PKHD1L1: variants seen among roughly 807,000 people sequenced by gnomAD.
PKHD1L1 encodes the protein PKHD1 like 1, also known as fibrocystin-L.
PKHD1L1 carries 434 observed loss-of-function variants against 462.9 expected under a neutral mutation model. The observed-to-expected ratio is 0.94, with a 90% CI of 0.87 to 1.02. PKHD1L1 has a LOEUF of 1.02. PKHD1L1 is among the 50% of genes least tolerant of loss of function. PKHD1L1 has a pLI of 0.00. For missense variants in PKHD1L1, 5,202 were observed against 5,096.1 expected, an observed-to-expected ratio of 1.02 and a Z score of -0.63; for synonymous variants, 1,781 against 1,750.0, an observed-to-expected ratio of 1.02 and a Z score of -0.44.
chr8:109,464,146 T>TC, intron 48 of PKHD1L1, 70 bp from the exon 49 acceptor site: 1 of 1,083,778 alleles, frequency 9.2e-7, no homozygotes, highest in Non-Finnish European at 1.2e-6. Flanking sequence ...TTAGATATTT[T>TC]TTGAAACAAG....
At chr8:109,475,846 T>C in intron 51 of PKHD1L1, among the ~76,000 whole-genome samples, 2 of 53,710 alleles carry the variant, frequency 3.7e-5, no homozygotes, top group African/African-American at 7.7e-5. Flanking sequence ...AGACTCCATC[T>C]CAAAAAAAAA....
intron 46 of PKHD1L1, among the ~76,000 whole-genome samples, chr8:109,457,376 G>A (rs529082236): frequency 6.6e-6 from 1 of 152,104 alleles, no homozygotes; most frequent in Admixed American, 6.6e-5. Flanking sequence ...AATGATAGGG[G>A]TTACTAACAG....
In PKHD1L1 at chr8:109,464,698, TG is replaced by T. The variant is rs1245415090; in HGVS notation, c.7868del (p.Gly2623GlufsTer52). 1 of 1,613,780 alleles carries T rather than the reference TG, an allele frequency of 6.2e-7. No individual in the cohort carries two copies. The highest frequency in any genetic ancestry group is 2.2e-5 in the East Asian group (1 of 44,878). On this transcript the variant is annotated frameshift_variant, in exon 49 of 78. Coordinates refer to ENST00000378402, the MANE Select transcript of PKHD1L1 (RefSeq NM_177531.6). LOFTEE classifies it high-confidence loss of function. Reference sequence around the variant, plus strand: ...ATACTGTCCATTCTCAAGGTTGGTTTGGAATGTGGATCTTTGAGGAATATTT... The same window carrying T: ...ATACTGTCCATTCTCAAGGTTGGTTTGAATGTGGATCTTTGAGGAATATTT... The part of the protein sequence containing the change: ...NNTVHSQGWF[G>X]MWIFEEYFPM...
chr8:109,435,459 T>C (rs1763101102), intron 29 of PKHD1L1, 105 bp downstream of exon 29: 3 of 1,238,492 alleles, frequency 2.4e-6, no homozygotes, highest in Non-Finnish European at 3.3e-6. Context: ...AAGCTTCCTC[T>C]TATAGAACAA....
chr8:109,520,387 C>G (rs929953474), intron 73 of PKHD1L1, among the ~76,000 whole-genome samples: 9 of 152,100 alleles, frequency 5.9e-5, no homozygotes, highest in Non-Finnish European at 1.2e-4. Context: ...ACACTAGCCA[C>G]TAGATATCCA....
chr8:109,364,100 C>G (rs1240839221), intron 1 of PKHD1L1, among the ~76,000 whole-genome samples: 2 of 152,194 alleles, frequency 1.3e-5, no homozygotes, highest in African/African-American at 4.8e-5. Flanking sequence ...ACCAACATTT[C>G]TCTTTGTACC....
chr8:109,370,079 C>T (rs1055375617), intron 2 of PKHD1L1, among the ~76,000 whole-genome samples: 4 of 152,052 alleles, frequency 2.6e-5, no homozygotes, highest in African/African-American at 2.4e-5. Context: ...AGCCTGGGTT[C>T]GAATCCCGGC....
At chr8:109,385,672 T>C (rs1230568186) in intron 6 of PKHD1L1, 42 bp downstream of exon 6, 1 of 1,263,936 alleles carries the variant, frequency 7.9e-7, no homozygotes, top group East Asian at 2.4e-5. Context: ...AACTCATAAA[T>C]GAGAAGTAAT....
At position 109,390,440 on chromosome 8, in the gene PKHD1L1, A is replaced by G; in HGVS notation, c.698-12A>G. The stretch of plus-strand genomic sequence containing the variant: ...GGAATTTAATTGATTGTGTATTTTC[A>G]TTAAATTCCAGGTCATCACAATGTC... On this transcript the variant is annotated splice_polypyrimidine_tract_variant and intron_variant, in intron 8 of 77. Coordinates refer to ENST00000378402, the MANE Select transcript of PKHD1L1 (RefSeq NM_177531.6). 7.1e-7 allele frequency: 1 copy of G among 1,404,390 alleles called. No homozygotes were observed. 87.0% of individuals were successfully genotyped at this position (1,404,390 alleles called of 1,614,324 possible).
rs373416865 is a variant in PKHD1L1 at position 109,419,204 on chromosome 8, C to A, written c.2468C>A (p.Ser823Tyr). The A allele has an allele frequency of 1.9e-6, 3 of 1,612,804 alleles. No individual in the cohort carries two copies. The African/African-American group carries it at 4.0e-5, about 22-fold the overall frequency. Residue 823 changes from serine (S) to tyrosine (Y), a missense_variant, in exon 22 of 78, where the codon TCC becomes TAC. This residue lies in a region of PKHD1L1 where 4,497 missense variants were observed against 4,336.8 expected (regional missense o/e 1.04). Transcript: ENST00000378402. ...TTACATAAAGCATCAGAATCACAGT[C>A]CTTCTATGTGGATGTAGTGTACATT... ...ISLHKASESQ[S>Y]FYVDVVYIGH...
chr8:109,444,463 G>A (rs1304868024), intron 37 of PKHD1L1, among the ~76,000 whole-genome samples, 198 bp from the exon 38 acceptor site: 2 of 152,134 alleles, frequency 1.3e-5, no homozygotes, highest in Non-Finnish European at 2.9e-5. Context: ...GAATAATGTA[G>A]CAATGCACAT....
At chr8:109,449,303 T>A in intron 39 of PKHD1L1, 35 bp from the exon 40 acceptor site, 1 of 1,530,246 alleles carries the variant, frequency 6.5e-7, no homozygotes, top group Non-Finnish European at 8.8e-7. Context: ...TTATTTTAAT[T>A]AGCTTTGTTT....
chr8:109,404,246 G>C (rs931453713), intron 14 of PKHD1L1, among the ~76,000 whole-genome samples: 1 of 151,944 alleles, frequency 6.6e-6, no homozygotes, highest in Non-Finnish European at 1.5e-5. Context: ...CCAGGGACAG[G>C]GTTATTTTTC....
At chr8:109,399,519 T>C (rs186833523) in intron 12 of PKHD1L1, among the ~76,000 whole-genome samples, 4 of 152,292 alleles carry the variant, frequency 2.6e-5, no homozygotes, top group Admixed American at 2.6e-4. Flanking sequence ...TATCCTGTTT[T>C]TGATTCTGTC....
At chr8:109,443,213 T>G (rs1815915261) in intron 36 of PKHD1L1, 97 bp downstream of exon 36, 6 of 1,189,340 alleles carry the variant, frequency 5.0e-6, no homozygotes, top group South Asian at 2.8e-5. Flanking sequence ...CTAACTGTGC[T>G]TCTATCTTAC....
At chr8:109,461,140 A>C (rs1817098760) in intron 47 of PKHD1L1, among the ~76,000 whole-genome samples, 1 of 152,276 alleles carries the variant, frequency 6.6e-6, no homozygotes, top group African/African-American at 2.4e-5. Flanking sequence ...GTCTCTTTTA[A>C]ATTTTTTATG....
chr8:109,467,288 C>A (rs985105536), intron 50 of PKHD1L1, among the ~76,000 whole-genome samples: 3 of 152,094 alleles, frequency 2.0e-5, no homozygotes, highest in Non-Finnish European at 4.4e-5. Flanking sequence ...TTTGCACCAG[C>A]CAAACGAGCA....
intron 27 of PKHD1L1, among the ~76,000 whole-genome samples, chr8:109,432,612 G>T (rs1447949821): frequency 6.6e-6 from 1 of 152,100 alleles, no homozygotes; most frequent in Non-Finnish European, 1.5e-5. Flanking sequence ...TAAGACGCTG[G>T]AACACAGGTG....
intron 40 of PKHD1L1, among the ~76,000 whole-genome samples, chr8:109,449,702 T>C (rs1382808364): frequency 6.6e-6 from 1 of 152,196 alleles, no homozygotes; most frequent in African/African-American, 2.4e-5. Flanking sequence ...TAAATTGCAG[T>C]TTTTCAGTTT....
Sources: allele counts gnomAD v4.1 joint callset (sites outside exome capture counted in the v4.1 genomes callset), GRCh38; gene constraint gnomAD v4.1.1; regional missense constraint gnomAD v4.1.1; transcripts MANE v1.5; gene names NCBI Gene and HGNC (gene_info 2026-07-23, HGNC 2026-07-21).